The following TNFAIP8 variants were observed in gnomAD, a reference collection of about 807,000 sequenced individuals.
TNFAIP8 encodes tumor necrosis factor alpha-induced protein 8.
In TNFAIP8, 7 loss-of-function variants were observed where a neutral mutation model predicts 13.3. The ratio of observed to expected loss-of-function variants is 0.52; its 90% CI spans 0.30 to 0.99. The LOEUF (loss-of-function observed/expected upper bound fraction) is 0.99, where lower values mean the gene tolerates loss of function less well. TNFAIP8 is among the 50% of genes least tolerant of loss of function. TNFAIP8 has a pLI of 0.07. For synonymous variants in TNFAIP8, 94 were observed against 87.6 expected, an observed-to-expected ratio of 1.07 and a Z score of -0.41; for missense variants, 258 against 236.9, an observed-to-expected ratio of 1.09 and a Z score of -0.58.
chr5:119,276,581 G>A (rs1310071084), intron 1 of TNFAIP8, among the ~76,000 whole-genome samples: 1 of 152,148 alleles, frequency 6.6e-6, no homozygotes, highest in African/African-American at 2.4e-5. Context: ...AGATCAAGAC[G>A]TCAACAGGTT....
intron 1 of TNFAIP8, among the ~76,000 whole-genome samples, chr5:119,364,326 A>G (rs144716434): frequency 1.3e-5 from 2 of 152,336 alleles, no homozygotes; most frequent in African/African-American, 4.8e-5. Context: ...ACTCTGTGCC[A>G]GGAACTAGGG....
intron 1 of TNFAIP8, among the ~76,000 whole-genome samples, chr5:119,340,840 C>G (rs1371601056): frequency 6.6e-6 from 1 of 152,100 alleles, no homozygotes; most frequent in Admixed American, 6.5e-5. Context: ...TAGTTGGATA[C>G]CACAGATAGT....
intron 1 of TNFAIP8, among the ~76,000 whole-genome samples, chr5:119,311,058 T>TTGTTTTATTTTTTGAGACAAGG (rs1749713883): frequency 6.6e-6 from 1 of 152,218 alleles, no homozygotes; most frequent in Non-Finnish European, 1.5e-5. Flanking sequence ...GGTCTTGCTC[T>TTGTTTTATTTTTTGAGACAAGG]GTTGCCTAGG....
chr5:119,316,868 GC>G (rs1749912540), intron 1 of TNFAIP8, among the ~76,000 whole-genome samples: 1 of 152,180 alleles, frequency 6.6e-6, no homozygotes, highest in African/African-American at 2.4e-5. Context: ...GGAGGGGTTT[GC>G]TGCTGGTATC....
At chr5:119,301,603 T>A (rs945626678) in intron 1 of TNFAIP8, among the ~76,000 whole-genome samples, 2 of 152,242 alleles carry the variant, frequency 1.3e-5, no homozygotes, top group Non-Finnish European at 2.9e-5. Context: ...GGTCTGAGTC[T>A]AGCACGAGGT....
chr5:119,330,176 G>A (rs1750332654), intron 1 of TNFAIP8, among the ~76,000 whole-genome samples: 1 of 152,174 alleles, frequency 6.6e-6, no homozygotes, highest in African/African-American at 2.4e-5. Context: ...GATGGGAAGA[G>A]AGGAAGGTTG....
At chr5:119,274,576 C>G (rs1467378166) in intron 1 of TNFAIP8, among the ~76,000 whole-genome samples, 1 of 152,214 alleles carries the variant, frequency 6.6e-6, no homozygotes, top group African/African-American at 2.4e-5. Flanking sequence ...CACGTAGCCA[C>G]TTTGCTCCTT....
chr5:119,312,745 CA>C (rs869226026), intron 1 of TNFAIP8, among the ~76,000 whole-genome samples: 1,695 of 43,398 alleles, frequency 0.039, 28 homozygotes, highest in African/African-American at 0.12. Flanking sequence ...GCAAAAAATA[CA>C]AAAAAAAAAA....
At chr5:119,364,335 G>C (rs1751749160) in intron 1 of TNFAIP8, among the ~76,000 whole-genome samples, 1 of 152,052 alleles carries the variant, frequency 6.6e-6, no homozygotes. Flanking sequence ...CAGGAACTAG[G>C]GACCAAGACC....
chr5:119,292,685 T>TATACACAC (rs1470227218), intron 1 of TNFAIP8, among the ~76,000 whole-genome samples: 7 of 52,332 alleles, frequency 1.3e-4, no homozygotes, highest in South Asian at 1.8e-3. Context: ...TATATATATA[T>TATACACAC]ACACACACAC....
In TNFAIP8 at chr5:119,396,742, C is replaced by G. The variant is rs959141762; in HGVS notation, c.*3361C>G. On this transcript the variant is annotated 3_prime_UTR_variant, in exon 2 of 2. Coordinates refer to ENST00000504771, the MANE Select transcript of TNFAIP8 (RefSeq NM_014350.4). ...GTGCGGTGGCTTATGCTTGTAAGCC[C>G]AGAACTTTGGGAGGCGGAGGTGGGA... 2 of 151,866 alleles carry G rather than the reference C, an allele frequency of 1.3e-5. No individual in the cohort carries two copies. The highest frequency in any genetic ancestry group is 4.8e-5 in the African/African-American group (2 of 41,296). 9.4% of individuals were successfully genotyped at this position (151,866 alleles called of 1,614,324 possible).
intron 1 of TNFAIP8, among the ~76,000 whole-genome samples, chr5:119,279,499 C>T (rs1236630649): frequency 1.3e-5 from 2 of 152,082 alleles, no homozygotes; most frequent in African/African-American, 2.4e-5. Context: ...TTGTGAGAAC[C>T]CAATGCCCGA....
At chr5:119,321,060 CA>C (rs1361365157) in intron 1 of TNFAIP8, among the ~76,000 whole-genome samples, 1 of 152,118 alleles carries the variant, frequency 6.6e-6, no homozygotes, top group African/African-American at 2.4e-5. Flanking sequence ...ACTAAAAACA[CA>C]AAAAAACTAG....
intron 1 of TNFAIP8, among the ~76,000 whole-genome samples, chr5:119,380,398 G>C (rs971673630): frequency 6.6e-6 from 1 of 152,170 alleles, no homozygotes; most frequent in African/African-American, 2.4e-5. Flanking sequence ...TCTAAGCCCT[G>C]CATGAATATA....
At chr5:119,297,633 A>G (rs943960573) in intron 1 of TNFAIP8, among the ~76,000 whole-genome samples, 3 of 152,222 alleles carry the variant, frequency 2.0e-5, no homozygotes, top group Non-Finnish European at 4.4e-5. Flanking sequence ...CGCTTGGTGC[A>G]GAGCTGAGTT....
At chr5:119,381,102 G>T (rs745661087) in intron 1 of TNFAIP8, among the ~76,000 whole-genome samples, 5 of 152,186 alleles carry the variant, frequency 3.3e-5, no homozygotes, top group Non-Finnish European at 5.9e-5. Context: ...CTCTCAGACT[G>T]CAATCCTGGA....
At chr5:119,286,124 G>T (rs1375571928) in intron 1 of TNFAIP8, among the ~76,000 whole-genome samples, 4 of 152,134 alleles carry the variant, frequency 2.6e-5, no homozygotes, top group Admixed American at 1.3e-4. Flanking sequence ...AGGTTTTGAG[G>T]CATTCTAGTA....
At position 119,345,366 on chromosome 5, in the gene TNFAIP8, T is replaced by A. The variant is rs1272228576; in HGVS notation, c.2-47450T>A. On this transcript the variant is annotated intron_variant, in intron 1 of 1. Transcript: ENST00000274456. ...TAGAATTACCATATGATTTAGCAAT[T>A]TTACTTCTGGGTATATACTCAAAAG... Among the ~76,000 whole-genome samples the A allele has an allele frequency of 2.6e-5, 4 of 152,180 alleles. No homozygotes were observed. The East Asian group carries it at 7.7e-4, about 29-fold the overall frequency.
intron 1 of TNFAIP8, among the ~76,000 whole-genome samples, chr5:119,339,575 G>A (rs566030144): frequency 2.0e-5 from 3 of 150,734 alleles, no homozygotes; most frequent in African/African-American, 7.3e-5. Flanking sequence ...AATGTCAGAT[G>A]CTATCAGGGA....
Sources: gnomAD v4.1 joint callset for allele counts (sites outside exome capture counted in the v4.1 genomes callset) on GRCh38, gnomAD v4.1.1 for gene constraint, MANE v1.5 for transcripts, NCBI Gene and HGNC (gene_info 2026-07-23, HGNC 2026-07-21) for gene names.